STXBP6: variants seen among roughly 807,000 people sequenced by gnomAD.
STXBP6 encodes the protein syntaxin binding protein 6, also known as syntaxin-binding protein 6.
A neutral mutation model predicts 26.9 loss-of-function variants in STXBP6; 21 were observed. The observed-to-expected ratio is 0.78, with a 90% CI of 0.55 to 1.12. STXBP6 has a LOEUF of 1.12. Among genes scored for constraint, STXBP6 ranks in the 50% most tolerant of loss-of-function variants. STXBP6 has a pLI of 0.00. For missense variants in STXBP6, 232 were observed against 257.9 expected (o/e 0.90, Z 0.69); for synonymous variants, 97 against 92.6 (o/e 1.05, Z -0.27).
intron 2 of STXBP6, among the ~76,000 whole-genome samples, chr14:24,920,437 A>T (rs2139808148): frequency 6.6e-6 from 1 of 152,136 alleles, no homozygotes; most frequent in South Asian, 2.1e-4. Context: ...TCTCATTTTC[A>T]GAGAGCTGAG....
chr14:24,926,516 G>A (rs1176117957), intron 2 of STXBP6, among the ~76,000 whole-genome samples: 2 of 151,990 alleles, frequency 1.3e-5, no homozygotes, highest in African/African-American at 4.8e-5. Flanking sequence ...TGATGACTGA[G>A]AAAAAAATAT....
At position 24,963,045 on chromosome 14, in the gene STXBP6, G is replaced by A. The variant is rs560567117; in HGVS notation, c.154+11620C>T. 1.1e-4 allele frequency among the ~76,000 whole-genome samples: 17 copies of A among 152,150 alleles called. 1 individual carries two copies. In the South Asian group the frequency reaches 1.9e-3, roughly 17 times the overall value. The stretch of plus-strand genomic sequence containing the variant: ...AAATTATACCTAGATATTATAAAAC[G>A]GGAGAAGTATTAAAAAACATGAATC... On this transcript the variant is annotated intron_variant, in intron 2 of 5. Transcript: ENST00000323944.
intron 1 of STXBP6, among the ~76,000 whole-genome samples, chr14:25,006,020 T>A (rs2140354347): frequency 6.6e-6 from 1 of 152,298 alleles, no homozygotes; most frequent in Non-Finnish European, 1.5e-5. Flanking sequence ...AACTTCAACA[T>A]TCAGGATTAT....
intron 2 of STXBP6, among the ~76,000 whole-genome samples, chr14:24,963,994 A>AG (rs2073639132): frequency 7.0e-6 from 1 of 142,730 alleles, no homozygotes; most frequent in African/African-American, 2.6e-5. Flanking sequence ...AAAAAAAAAA[A>AG]GCCAAAACAA....
chr14:25,014,444 G>A (rs1432708976), intron 1 of STXBP6, among the ~76,000 whole-genome samples: 2 of 152,114 alleles, frequency 1.3e-5, no homozygotes, highest in Admixed American at 6.5e-5. Context: ...CAGCCTGGGC[G>A]ACAGAGGGAG....
chr14:24,955,339 C>T (rs1475077681), intron 2 of STXBP6, among the ~76,000 whole-genome samples: 1 of 152,158 alleles, frequency 6.6e-6, no homozygotes, highest in East Asian at 1.9e-4. Flanking sequence ...CCACAGGCCA[C>T]TCATCCACAT....
At chr14:24,933,919 T>C (rs1678656169) in intron 2 of STXBP6, among the ~76,000 whole-genome samples, 1 of 152,180 alleles carries the variant, frequency 6.6e-6, no homozygotes, top group Non-Finnish European at 1.5e-5. Flanking sequence ...ATCAAGTGAT[T>C]TTCCAAGGTT....
In STXBP6 at chr14:25,049,728, ATCTC is replaced by A; in HGVS notation, c.-33+146_-33+149del. ...TCCCGCCACCCGCCAACTTGGAAGA[ATCTC>A]TCTGGGAGCCTGCCTACTCCCCTGG... On this transcript the variant is annotated intron_variant, in intron 1 of 5. Coordinates refer to ENST00000323944, the MANE Select transcript of STXBP6 (RefSeq NM_001394410.1). The surrounding 1 kb of genome is among the most constrained non-coding windows in gnomAD (Gnocchi z 5.6). 1.0e-6 allele frequency: 1 copy of A among 985,408 alleles called. No homozygotes were observed. The highest frequency in any genetic ancestry group is 1.2e-6 in the Non-Finnish European group (1 of 830,090). The allele number at this position is 985,408 out of a possible 1,614,324, so 61.0% of individuals were successfully genotyped here. A position where few individuals can be genotyped will look rare whatever the true frequency, so the allele number is the denominator to read the frequency against.
At chr14:24,974,386 G>T (rs17109384) in intron 2 of STXBP6, among the ~76,000 whole-genome samples, 19,636 of 152,226 alleles carry the variant, frequency 0.13, 1,488 homozygotes, top group African/African-American at 0.21. Flanking sequence ...CAGTGTCCCC[G>T]TGAGGGCAAG....
At chr14:24,929,102 CA>C (rs1181095765) in intron 2 of STXBP6, among the ~76,000 whole-genome samples, 1 of 152,264 alleles carries the variant, frequency 6.6e-6, no homozygotes, top group Non-Finnish European at 1.5e-5. Flanking sequence ...AAAAGGCCTC[CA>C]AAAAAATCTA....
At chr14:24,894,798 C>T (rs537877776) in intron 2 of STXBP6, among the ~76,000 whole-genome samples, 48 of 152,302 alleles carry the variant, frequency 3.2e-4, no homozygotes, top group Middle Eastern at 6.8e-3. Flanking sequence ...AGACGAAAGG[C>T]TCATGGAGAC....
Position 25,049,111 on chromosome 14 carries a change from GGTCCT to G in STXBP6, c.-33+762_-33+766del. 1.0e-6 allele frequency: 1 copy of G among 964,830 alleles called. No homozygotes were observed. Among genetic ancestry groups the G allele is most frequent in the Non-Finnish European group, 1.2e-6 (1 of 811,112 alleles). 59.8% of individuals were successfully genotyped at this position (964,830 alleles called of 1,614,324 possible). Reference sequence around the variant, plus strand: ...TGTCTTTCCAAATTCTCCACCTGCAGGTCCTGTCCTCTGTGAAGATGAACGGGGTG... The same window carrying G: ...TGTCTTTCCAAATTCTCCACCTGCAGGTCCTCTGTGAAGATGAACGGGGTG... On this transcript the variant is annotated intron_variant, in intron 1 of 5. Coordinates refer to ENST00000323944, the MANE Select transcript of STXBP6 (RefSeq NM_001394410.1). This position sits in a 1 kb window ranked among gnomAD's most constrained non-coding sequence, Gnocchi z 5.6.
intron 2 of STXBP6, among the ~76,000 whole-genome samples, chr14:24,866,766 T>G (rs994194203): frequency 2.0e-5 from 3 of 150,940 alleles, no homozygotes; most frequent in Admixed American, 1.3e-4. Flanking sequence ...CTCTACAGAT[T>G]CCAGTGGACA....
intron 2 of STXBP6, among the ~76,000 whole-genome samples, chr14:24,940,942 G>C (rs1468817392): frequency 6.6e-6 from 1 of 152,138 alleles, no homozygotes; most frequent in Non-Finnish European, 1.5e-5. Flanking sequence ...TTGAACCCAG[G>C]AGGCAGAGCT....
intron 4 of STXBP6, among the ~76,000 whole-genome samples, chr14:24,841,607 G>A (rs1041521105): frequency 2.0e-5 from 3 of 152,050 alleles, no homozygotes; most frequent in Non-Finnish European, 4.4e-5. Context: ...ATTCTTCATT[G>A]CTGTGTACTG....
At position 24,864,284 on chromosome 14, in the gene STXBP6, G is replaced by A. The variant is rs531191134; in HGVS notation, c.155-7127C>T. The stretch of plus-strand genomic sequence containing the variant: ...GAAAAAGAGATTTCTTTAATGTTAT[G>A]CTTTCCTTTAACATTATCCATTATA... On this transcript the variant is annotated intron_variant, in intron 2 of 5. Coordinates refer to ENST00000323944, the MANE Select transcript of STXBP6 (RefSeq NM_001394410.1). 3.9e-5 allele frequency among the ~76,000 whole-genome samples: 6 copies of A among 152,248 alleles called. No individual in the cohort carries two copies. In the South Asian group the frequency reaches 1.2e-3, roughly 32 times the overall value.
chr14:24,915,198 C>T (rs769376119), intron 2 of STXBP6, among the ~76,000 whole-genome samples: 25 of 152,068 alleles, frequency 1.6e-4, no homozygotes, highest in African/African-American at 5.3e-4. Context: ...ATAAAAATGA[C>T]TAAGAGCACA....
At chr14:24,887,230 A>G (rs1018946943) in intron 2 of STXBP6, among the ~76,000 whole-genome samples, 3 of 152,214 alleles carry the variant, frequency 2.0e-5, no homozygotes, top group African/African-American at 7.2e-5. Flanking sequence ...GTAAAGGTAA[A>G]TCATGTATTC....
At chr14:24,899,469 C>T (rs2071121614) in intron 2 of STXBP6, among the ~76,000 whole-genome samples, 1 of 152,236 alleles carries the variant, frequency 6.6e-6, no homozygotes, top group Non-Finnish European at 1.5e-5. Flanking sequence ...CACCATTTTA[C>T]ATAGGGCACC....
Sources: allele counts gnomAD v4.1 joint callset (sites outside exome capture counted in the v4.1 genomes callset), GRCh38; gene constraint gnomAD v4.1.1; non-coding constraint Gnocchi (gnomAD v3.1); transcripts MANE v1.5; gene names NCBI Gene and HGNC (gene_info 2026-07-23, HGNC 2026-07-21).